Variants in USH2A observed in about 807,000 individuals in gnomAD.
USH2A encodes the protein usherin.
USH2A carries 443 observed loss-of-function variants against 538.9 expected under a neutral mutation model. That is an observed-to-expected ratio of 0.82 (90% CI 0.76 to 0.89). The LOEUF is 0.89. Among genes scored for constraint, USH2A ranks in the 40% least tolerant of loss-of-function variants. USH2A has a pLI of 0.00. For missense variants in USH2A, 6,633 were observed against 6,324.8 expected, an observed-to-expected ratio of 1.05 and a Z score of -1.65; for synonymous variants, 2,413 against 2,273.5, an observed-to-expected ratio of 1.06 and a Z score of -1.75.
chr1:216,275,841 T>A, intron 11 of USH2A, among the ~76,000 whole-genome samples: 1 of 152,284 alleles, frequency 6.6e-6, no homozygotes, highest in Non-Finnish European at 1.5e-5. Flanking sequence ...AGGAATTTTA[T>A]TTAATATTTA....
chr1:215,669,880 T>C (rs1370814319), intron 64 of USH2A, among the ~76,000 whole-genome samples: 1 of 152,220 alleles, frequency 6.6e-6, no homozygotes, highest in African/African-American at 2.4e-5. Flanking sequence ...CACTATCTTT[T>C]TGGTGACTTA....
chr1:216,034,691 A>T lies in USH2A; in HGVS notation c.6325+11740T>A, dbSNP rs1011663578. Among the ~76,000 whole-genome samples, 3 of 152,108 alleles carry T rather than the reference A, an allele frequency of 2.0e-5. 1 individual carries two copies. The South Asian group carries it at 6.2e-4, about 32-fold the overall frequency. On this transcript the variant is annotated intron_variant, in intron 32 of 71. Transcript: ENST00000307340. ...CTGCCAGGATACCACTGACTGACAG[A>T]CACCTGCCAGAAACCACTGACTGTC... is the stretch of plus-strand genomic sequence containing the variant.
At chr1:216,225,070 C>T (rs752058762) in intron 14 of USH2A, among the ~76,000 whole-genome samples, 9 of 151,988 alleles carry the variant, frequency 5.9e-5, no homozygotes, top group Non-Finnish European at 1.2e-4. Context: ...AGCTGTTTTC[C>T]TATACTGCAT....
At chr1:215,972,343 G>C (rs1207347692) in intron 35 of USH2A, among the ~76,000 whole-genome samples, 4 of 152,150 alleles carry the variant, frequency 2.6e-5, no homozygotes, top group African/African-American at 9.7e-5. Flanking sequence ...TGCCTCTTCG[G>C]TAGTGGAATG....
At chr1:215,802,346 A>C (rs1662361758) in intron 49 of USH2A, among the ~76,000 whole-genome samples, 1 of 152,104 alleles carries the variant, frequency 6.6e-6, no homozygotes, top group Non-Finnish European at 1.5e-5. Context: ...TCATGAGAAA[A>C]TATATTAAAA....
At position 216,197,414 on chromosome 1, in the gene USH2A, C is replaced by T. The variant is rs538736491; in HGVS notation, c.4082-692G>A. On this transcript the variant is annotated intron_variant, in intron 18 of 71. Transcript: ENST00000307340. ...ACCAGTATTGCAGTTTCACCCATTA[C>T]TTTTCATTTCTGACCTTGATTTTCC... is the stretch of plus-strand genomic sequence containing the variant. 3.9e-5 allele frequency among the ~76,000 whole-genome samples: 6 copies of T among 152,270 alleles called. No homozygotes were observed. In the East Asian group the frequency reaches 1.2e-3, roughly 29 times the overall value.
intron 49 of USH2A, among the ~76,000 whole-genome samples, chr1:215,811,855 G>A (rs557842488): frequency 7.9e-5 from 12 of 151,052 alleles, no homozygotes; most frequent in South Asian, 2.1e-4. Context: ...GCAGTGAGCC[G>A]GAGATCACGC....
intron 9 of USH2A, among the ~76,000 whole-genome samples, chr1:216,321,473 A>G (rs12060514): frequency 0.018 from 2,762 of 152,280 alleles, 90 homozygotes; most frequent in African/African-American, 0.061. Context: ...ATACATAAAC[A>G]TTGTTCTTCA....
chr1:216,402,268 T>C (rs76970302), intron 3 of USH2A, among the ~76,000 whole-genome samples: 5,090 of 152,132 alleles, frequency 0.033, 113 homozygotes, highest in South Asian at 0.073. Flanking sequence ...ATATTTAAAA[T>C]CTCCAATTTA....
In USH2A at chr1:215,629,038, G is replaced by T. The variant is rs774440488; in HGVS notation, c.15298-3C>A. ...GGAATTTTGGTATCGGCTAACCCCT[G>T]AGAAGGAAGTTGCTGTGAGTATTTC... On this transcript the variant is annotated splice_polypyrimidine_tract_variant and splice_region_variant and intron_variant, in intron 70 of 71. Transcript: ENST00000307340. 1.9e-6 allele frequency: 3 copies of T among 1,612,644 alleles called. No individual in the cohort carries two copies. The highest frequency in any genetic ancestry group is 1.1e-5 in the South Asian group (1 of 90,994).
Position 215,870,589 on chromosome 1 carries a change from G to A in USH2A, c.8682-3419C>T, listed in dbSNP as rs566215110. On this transcript the variant is annotated intron_variant, in intron 43 of 71. Transcript: ENST00000307340. ...ATTCTGTACAGGCGTGAGTCACCGC[G>A]CCTGGCCGAGGAAACAAGATCCTGA... 3.3e-5 allele frequency among the ~76,000 whole-genome samples: 5 copies of A among 151,810 alleles called. 1 individual carries two copies. In the East Asian group the frequency reaches 9.7e-4, roughly 30 times the overall value.
At position 216,174,611 on chromosome 1, in the gene USH2A, C is replaced by T. The variant is rs146153666; in HGVS notation, c.4627+641G>A. 1.1e-3 allele frequency: 1,120 copies of T among 981,762 alleles called. 10 individuals carry two copies. The African/African-American group carries it at 0.017, about 15-fold the overall frequency. The allele number at this position is 981,762 out of a possible 1,614,324, so 60.8% of individuals were successfully genotyped here. ...TACATTAACACTGAGTTTTTTAGTG[C>T]CTTTAAATTTTGTGACCGAAACAAG... On this transcript the variant is annotated intron_variant, in intron 21 of 71. Coordinates refer to ENST00000307340, the MANE Select transcript of USH2A (RefSeq NM_206933.4).
At chr1:216,178,450 G>A (rs1253375554) in intron 20 of USH2A, among the ~76,000 whole-genome samples, 2 of 152,230 alleles carry the variant, frequency 1.3e-5, no homozygotes, top group East Asian at 3.9e-4. Flanking sequence ...TCTCTCTTCA[G>A]AGTTTAGAGT....
At chr1:216,249,638 G>GGTAAATTA (rs1468290332) in intron 12 of USH2A, among the ~76,000 whole-genome samples, 4 of 152,060 alleles carry the variant, frequency 2.6e-5, no homozygotes, top group African/African-American at 4.8e-5. Flanking sequence ...GTAAATTATG[G>GGTAAATTA]TACAGATTTT....
intron 9 of USH2A, among the ~76,000 whole-genome samples, chr1:216,305,689 T>A (rs1488846297): frequency 6.6e-6 from 1 of 152,196 alleles, no homozygotes; most frequent in Admixed American, 6.5e-5. Context: ...TTAGCAGTTC[T>A]TGTAGTGCTA....
At chr1:216,205,728 A>G (rs1364610376) in intron 16 of USH2A, among the ~76,000 whole-genome samples, 1 of 152,190 alleles carries the variant, frequency 6.6e-6, no homozygotes, top group African/African-American at 2.4e-5. Context: ...AATGAAGAGA[A>G]CAAAATAGAA....
In USH2A at chr1:215,888,630, C is replaced by T. The variant is rs142601401; in HGVS notation, c.8019G>A (p.Val2673=). Reference sequence around the variant, plus strand: ...TCATGGAATGACTCCTCGGGAGAGTCACCAGGGTAGTAACTTCTTCCTTTC... The same window carrying T: ...TCATGGAATGACTCCTCGGGAGAGTTACCAGGGTAGTAACTTCTTCCTTTC... ...VKGKEEVTTL[V]TLPRSHSMRF... is the part of the protein sequence containing the mutation. Residue 2673 remains valine, a synonymous_variant, in exon 41 of 72, where the codon GTG becomes GTA. Coordinates refer to ENST00000307340, the MANE Select transcript of USH2A (RefSeq NM_206933.4). 10 of 1,614,024 alleles carry T rather than the reference C, an allele frequency of 6.2e-6. No homozygotes were observed. Among genetic ancestry groups the T allele is most frequent in the Non-Finnish European group, 8.5e-6 (10 of 1,180,038 alleles).
intron 15 of USH2A, among the ~76,000 whole-genome samples, chr1:216,207,770 A>G (rs1475224048): frequency 1.3e-5 from 2 of 148,604 alleles, no homozygotes; most frequent in Non-Finnish European, 3.0e-5. Context: ...TATTTTTTAC[A>G]TAGTTAATTT....
chr1:216,031,184 T>G (rs964621365), intron 32 of USH2A, among the ~76,000 whole-genome samples: 2 of 151,982 alleles, frequency 1.3e-5, no homozygotes, highest in Admixed American at 6.6e-5. Flanking sequence ...TTTACTAAAT[T>G]TCCTAAATCA....
Sources: gnomAD v4.1 joint callset for allele counts (sites outside exome capture counted in the v4.1 genomes callset) on GRCh38, gnomAD v4.1.1 for gene constraint, MANE v1.5 for transcripts, NCBI Gene and HGNC (gene_info 2026-07-23, HGNC 2026-07-21) for gene names.